The following SGCZ variants were observed in gnomAD, a reference collection of about 807,000 sequenced individuals.
SGCZ encodes sarcoglycan zeta, also known as zeta-sarcoglycan.
SGCZ carries 40 observed loss-of-function variants against 41.3 expected under a neutral mutation model. The observed-to-expected ratio is 0.97, with a 90% CI of 0.75 to 1.26. The LOEUF is 1.26. Among genes scored for constraint, SGCZ ranks in the 50% most tolerant of loss-of-function variants. SGCZ has a pLI of 0.00. For synonymous variants in SGCZ, 206 were observed against 137.5 expected (o/e 1.50, Z -3.49); for missense variants, 552 against 369.8 (o/e 1.49, Z -4.04).
At chr8:14,806,685 T>C (rs984100826) in intron 1 of SGCZ, among the ~76,000 whole-genome samples, 4 of 152,122 alleles carry the variant, frequency 2.6e-5, no homozygotes, top group Admixed American at 1.3e-4. Flanking sequence ...CTTCTGAAAC[T>C]ATTACAATCA....
At chr8:14,798,470 A>G (rs1389867038) in intron 1 of SGCZ, among the ~76,000 whole-genome samples, 2 of 152,206 alleles carry the variant, frequency 1.3e-5, no homozygotes, top group African/African-American at 2.4e-5. Flanking sequence ...TGCAACTTAC[A>G]GAAGACAGAA....
intron 5 of SGCZ, among the ~76,000 whole-genome samples, chr8:14,144,794 C>A (rs1166909998): frequency 6.6e-6 from 1 of 152,104 alleles, no homozygotes; most frequent in African/African-American, 2.4e-5. Context: ...TCACCATAAG[C>A]TGATATAAGA....
intron 1 of SGCZ, among the ~76,000 whole-genome samples, chr8:14,917,810 T>C (rs537936492): frequency 6.6e-6 from 1 of 152,266 alleles, no homozygotes; most frequent in African/African-American, 2.4e-5. Context: ...TTTTGTACCA[T>C]ATCACATGTG....
chr8:15,164,434 G>C (rs892566838), intron 1 of SGCZ, among the ~76,000 whole-genome samples: 2 of 152,100 alleles, frequency 1.3e-5, no homozygotes, highest in Non-Finnish European at 2.9e-5. Context: ...TGGTCCACGG[G>C]TTTGGGAGCC....
intron 4 of SGCZ, among the ~76,000 whole-genome samples, chr8:14,225,676 A>C (rs1203052631): frequency 6.6e-6 from 1 of 152,158 alleles, no homozygotes; most frequent in East Asian, 1.9e-4. Flanking sequence ...CATTGTATGT[A>C]TAATGAGCAC....
intron 1 of SGCZ, among the ~76,000 whole-genome samples, chr8:14,924,725 A>T (rs1055684408): frequency 6.6e-6 from 1 of 152,206 alleles, no homozygotes; most frequent in African/African-American, 2.4e-5. Flanking sequence ...ATTTTTCAAC[A>T]TAGTAAACTG....
intron 1 of SGCZ, among the ~76,000 whole-genome samples, chr8:15,204,994 C>T (rs189435832): frequency 7.2e-5 from 11 of 152,236 alleles, no homozygotes; most frequent in African/African-American, 1.9e-4. Context: ...GAAATAAGCA[C>T]ATCTACAGTA....
chr8:14,605,703 T>C (rs759903915), intron 1 of SGCZ, among the ~76,000 whole-genome samples: 2 of 152,170 alleles, frequency 1.3e-5, no homozygotes, highest in Admixed American at 6.5e-5. Context: ...ACAGAGAGTG[T>C]TGACTTCACT....
At chr8:14,831,274 G>C (rs1185098743) in intron 1 of SGCZ, among the ~76,000 whole-genome samples, 2 of 152,132 alleles carry the variant, frequency 1.3e-5, no homozygotes, top group African/African-American at 4.8e-5. Flanking sequence ...GAGGACAGAA[G>C]GTGTTCTTTG....
chr8:14,409,655 G>A (rs6530771), intron 2 of SGCZ, among the ~76,000 whole-genome samples: 20,418 of 152,014 alleles, frequency 0.13, 3,010 homozygotes, highest in African/African-American at 0.36. Context: ...TTACATGTCA[G>A]CAAAAATAGC....
At chr8:15,173,143 G>C (rs1346989697) in intron 1 of SGCZ, among the ~76,000 whole-genome samples, 1 of 152,156 alleles carries the variant, frequency 6.6e-6, no homozygotes, top group Non-Finnish European at 1.5e-5. Flanking sequence ...GCTTGCCACT[G>C]TAAGCCTGAC....
chr8:15,082,570 T>C (rs1258559875), intron 1 of SGCZ, among the ~76,000 whole-genome samples: 1 of 152,074 alleles, frequency 6.6e-6, no homozygotes, highest in South Asian at 2.1e-4. Flanking sequence ...AGATCTCTTT[T>C]TTCATTCTTG....
intron 4 of SGCZ, among the ~76,000 whole-genome samples, chr8:14,191,200 T>C (rs923153650): frequency 6.6e-6 from 1 of 152,240 alleles, no homozygotes; most frequent in East Asian, 1.9e-4. Flanking sequence ...TCATTTTTTT[T>C]CTTGCTATTG....
intron 1 of SGCZ, among the ~76,000 whole-genome samples, chr8:15,219,246 C>G (rs752902568): frequency 2.4e-4 from 36 of 152,114 alleles, no homozygotes; most frequent in Non-Finnish European, 4.6e-4. Context: ...GTGGATTACT[C>G]TCATGATACT....
At chr8:14,457,270 G>T (rs1002364099) in intron 2 of SGCZ, among the ~76,000 whole-genome samples, 1 of 152,204 alleles carries the variant, frequency 6.6e-6, no homozygotes, top group African/African-American at 2.4e-5. Context: ...AACTAGAAAA[G>T]AGTGCGAGCC....
intron 2 of SGCZ, among the ~76,000 whole-genome samples, chr8:14,456,072 C>G (rs530976828): frequency 5.7e-4 from 86 of 152,200 alleles, no homozygotes; most frequent in South Asian, 1.2e-3. Context: ...GTGACGCTTG[C>G]ACAACTCTGC....
chr8:15,162,714 C>G (rs1372708124), intron 1 of SGCZ, among the ~76,000 whole-genome samples: 3 of 152,170 alleles, frequency 2.0e-5, no homozygotes, highest in Non-Finnish European at 2.9e-5. Context: ...CTGAACCTAC[C>G]ATGTCTATGT....
chr8:15,066,899 A>G (rs957784477), intron 1 of SGCZ, among the ~76,000 whole-genome samples: 2 of 152,216 alleles, frequency 1.3e-5, no homozygotes, highest in African/African-American at 2.4e-5. Flanking sequence ...CTGAACTGAC[A>G]AGCAAATACA....
chr8:14,761,682 C>T (rs920304907), intron 1 of SGCZ, among the ~76,000 whole-genome samples: 8 of 151,770 alleles, frequency 5.3e-5, no homozygotes, highest in Admixed American at 4.6e-4. Context: ...TGCGCCGCCA[C>T]ACCTGGCTAA....
Sources: gnomAD v4.1 joint callset for allele counts (sites outside exome capture counted in the v4.1 genomes callset) on GRCh38, gnomAD v4.1.1 for gene constraint, MANE v1.5 for transcripts, NCBI Gene and HGNC (gene_info 2026-07-23, HGNC 2026-07-21) for gene names.